ORC3: variants seen among roughly 807,000 people sequenced by gnomAD.
The protein encoded by ORC3 is origin recognition complex subunit 3, also known as homolog of latheo, Drosophila.
In ORC3, 78 loss-of-function variants were observed where a neutral mutation model predicts 100.7. That is an observed-to-expected ratio of 0.77 (90% CI 0.65 to 0.94). The LOEUF is 0.94. ORC3 is among the 40% of genes least tolerant of loss of function. The pLI, the probability that ORC3 is intolerant of heterozygous loss-of-function variation, is 0.00. For synonymous variants in ORC3, 295 were observed against 289.3 expected (o/e 1.02, Z -0.20); for missense variants, 789 against 823.9 (o/e 0.96, Z 0.52).
At chr6:87,603,291 A>G (rs1305081051) in intron 3 of ORC3, 93 bp from the exon 4 acceptor site, 3 of 633,688 alleles carry the variant, frequency 4.7e-6, no homozygotes, top group Non-Finnish European at 7.4e-6. Context: ...ATCATTTTAC[A>G]TCATTGAATC....
At position 87,622,015 on chromosome 6, in the gene ORC3, T is replaced by A; in HGVS notation, c.1185+2T>A. The A allele has an allele frequency of 6.3e-7, 1 of 1,595,666 alleles. No individual in the cohort carries two copies. Among genetic ancestry groups the A allele is most frequent in the Non-Finnish European group, 8.6e-7 (1 of 1,164,828 alleles). On this transcript the variant is annotated splice_donor_variant, in intron 11 of 19. Coordinates refer to ENST00000392844, the MANE Select transcript of ORC3 (RefSeq NM_012381.4). LOFTEE classifies it high-confidence loss of function. ...TTGACCAATGAGAGATATTTGAAGGTAGGAATGTGAATGTGTTTCAGTTTC... is the reference window on the plus strand; with the variant it reads ...TTGACCAATGAGAGATATTTGAAGGAAGGAATGTGAATGTGTTTCAGTTTC...
At chr6:87,656,063 G>A (rs1769661022) in intron 14 of ORC3, among the ~76,000 whole-genome samples, 1 of 152,140 alleles carries the variant, frequency 6.6e-6, no homozygotes, top group South Asian at 2.1e-4. Flanking sequence ...AGAAGAATAT[G>A]AGAGCATTAT....
Position 87,644,333 on chromosome 6 carries a change from C to CCA in ORC3, c.1382+7847_1382+7848insCA. ...AGTCTCGATCTCCTGACCTCGTGAT[C>CCA]TGCCTGCCTCGGCCTCCCAAAGTGC... On this transcript the variant is annotated intron_variant, in intron 13 of 19. Coordinates refer to ENST00000392844, the MANE Select transcript of ORC3 (RefSeq NM_012381.4). Among the ~76,000 whole-genome samples, 4 of 146,074 alleles carry CCA rather than the reference C, an allele frequency of 2.7e-5. No homozygotes were observed. In the Admixed American group the frequency reaches 2.8e-4, roughly 10 times the overall value.
At chr6:87,626,787 CAAA>C (rs11321781) in intron 11 of ORC3, among the ~76,000 whole-genome samples, 20 of 123,452 alleles carry the variant, frequency 1.6e-4, no homozygotes, top group Admixed American at 4.1e-4. Context: ...ACTCTGTCTC[CAAA>C]AAAAAAAAAA....
At chr6:87,594,640 A>C (rs907575074) in intron 2 of ORC3, 3 of 963,196 alleles carry the variant, frequency 3.1e-6, no homozygotes, top group African/African-American at 3.4e-5. Flanking sequence ...TTTCCTTCAA[A>C]GGATATGCTG....
At chr6:87,621,292 G>T in intron 9 of ORC3, 62 bp from the exon 10 acceptor site, 2 of 1,257,306 alleles carry the variant, frequency 1.6e-6, no homozygotes, top group South Asian at 2.0e-5. Context: ...TGAGCAGATT[G>T]TAGCGCAATA....
At chr6:87,657,413 C>T (rs561083665) in intron 15 of ORC3, among the ~76,000 whole-genome samples, 10 of 152,314 alleles carry the variant, frequency 6.6e-5, no homozygotes, top group African/African-American at 2.4e-4. Flanking sequence ...AATTGAGCCA[C>T]AGTATATCCA....
chr6:87,635,654 C>T (rs536261886), intron 12 of ORC3, among the ~76,000 whole-genome samples: 11 of 151,790 alleles, frequency 7.2e-5, no homozygotes, highest in East Asian at 2.0e-4. Flanking sequence ...AAAATTAGCC[C>T]GGCGTGGTGG....
intron 11 of ORC3, among the ~76,000 whole-genome samples, chr6:87,626,640 A>T (rs966303770): frequency 6.6e-6 from 1 of 152,136 alleles, no homozygotes; most frequent in East Asian, 1.9e-4. Flanking sequence ...ACAAAAAATT[A>T]TCCAAGTGTG....
chr6:87,665,488 G>A (rs547703376), intron 18 of ORC3, among the ~76,000 whole-genome samples: 14 of 152,112 alleles, frequency 9.2e-5, no homozygotes, highest in Non-Finnish European at 1.5e-4. Context: ...GAGGAAACAG[G>A]GCTTTCTTGT....
chr6:87,657,890 C>T (rs2128292813), intron 15 of ORC3, 31 bp from the exon 16 acceptor site: 1 of 1,221,090 alleles, frequency 8.2e-7, no homozygotes, highest in African/African-American at 1.5e-5. Flanking sequence ...GTCTGAGGAT[C>T]ACCAGAAAAG....
intron 4 of ORC3, 75 bp downstream of exon 4, chr6:87,603,603 T>A: frequency 1.1e-6 from 1 of 886,912 alleles, no homozygotes; most frequent in Non-Finnish European, 1.7e-6. Context: ...TTGTTGAGAA[T>A]AGTGGAAGGA....
the ORC3 span, among the ~76,000 whole-genome samples, chr6:87,674,459 T>C: frequency 1.3e-5 from 2 of 151,762 alleles, no homozygotes; most frequent in Non-Finnish European, 1.5e-5. Context: ...AAGAAAGCTA[T>C]GTCTAGAAAC....
rs1343115357 is a variant in ORC3 at position 87,606,037 on chromosome 6, C to T, written c.427+16C>T. 3 of 1,256,640 alleles carry T rather than the reference C, an allele frequency of 2.4e-6. No individual in the cohort carries two copies. Among genetic ancestry groups the T allele is most frequent in the Non-Finnish European group, 1.2e-6 (1 of 858,784 alleles). The allele number at this position is 1,256,640 out of a possible 1,614,324, so 77.8% of individuals were successfully genotyped here. A position where few individuals can be genotyped will look rare whatever the true frequency, so the allele number is the denominator to read the frequency against. Reference sequence around the variant, plus strand: ...GATTGTCCAGGTAAAAATATAAATGCCATAATAACCTTGATGAGATGTTAC... The same window carrying T: ...GATTGTCCAGGTAAAAATATAAATGTCATAATAACCTTGATGAGATGTTAC... On this transcript the variant is annotated intron_variant, in intron 5 of 19. Transcript: ENST00000392844.
intron 8 of ORC3, among the ~76,000 whole-genome samples, chr6:87,612,914 C>T (rs2128255794): frequency 6.6e-6 from 1 of 152,304 alleles, no homozygotes; most frequent in African/African-American, 2.4e-5. Context: ...AGCCTGACTC[C>T]TTACATTTTG....
intron 9 of ORC3, among the ~76,000 whole-genome samples, chr6:87,618,061 G>C (rs1779283089): frequency 6.6e-6 from 1 of 151,998 alleles, no homozygotes; most frequent in Non-Finnish European, 1.5e-5. Flanking sequence ...ATAAATACTT[G>C]TCAAGAACCT....
intron 19 of ORC3, among the ~76,000 whole-genome samples, chr6:87,666,392 A>G (rs1770622863): frequency 6.7e-6 from 1 of 148,684 alleles, no homozygotes; most frequent in Admixed American, 6.7e-5. Flanking sequence ...GGCCTCCCAA[A>G]GTGCTAGGAT....
intron 13 of ORC3, among the ~76,000 whole-genome samples, chr6:87,646,623 T>C (rs1256793522): frequency 6.6e-6 from 1 of 152,222 alleles, no homozygotes; most frequent in African/African-American, 2.4e-5. Context: ...AGCATTAACC[T>C]GTTATCAGCA....
intron 13 of ORC3, among the ~76,000 whole-genome samples, chr6:87,643,731 CTCTTT>C (rs1380850901): frequency 2.6e-5 from 4 of 152,098 alleles, no homozygotes; most frequent in African/African-American, 9.7e-5. Flanking sequence ...ATTTTGACAA[CTCTTT>C]TCTTTCTTTC....
Sources: gnomAD v4.1 joint callset for allele counts (sites outside exome capture counted in the v4.1 genomes callset) on GRCh38, gnomAD v4.1.1 for gene constraint, MANE v1.5 for transcripts, NCBI Gene and HGNC (gene_info 2026-07-23, HGNC 2026-07-21) for gene names.